The following NEURL1 variants were observed in gnomAD, a reference collection of about 807,000 sequenced individuals.
NEURL1 encodes the protein neuralized E3 ubiquitin protein ligase 1.
Under a neutral mutation model 41.2 loss-of-function variants are expected in NEURL1, and 26 were observed. The ratio of observed to expected loss-of-function variants is 0.63; its 90% CI spans 0.46 to 0.87. The LOEUF (loss-of-function observed/expected upper bound fraction) is 0.87, where lower values mean the gene tolerates loss of function less well. Ranked by LOEUF, NEURL1 falls within the 40% of genes least tolerant of loss-of-function variation. NEURL1 has a pLI of 0.00. For missense variants in NEURL1, 761 were observed against 871.1 expected (o/e 0.87, Z 1.59); for synonymous variants, 400 against 402.3 (o/e 0.99, Z 0.07).
chr10:103,583,205 T>A (rs1470156022), intron 3 of NEURL1, among the ~76,000 whole-genome samples: 3 of 152,010 alleles, frequency 2.0e-5, no homozygotes, highest in African/African-American at 4.8e-5. Context: ...TTTTTGAAAA[T>A]TTTGAAAAAA....
intron 1 of NEURL1, among the ~76,000 whole-genome samples, chr10:103,543,112 C>T (rs990866332): frequency 5.3e-5 from 8 of 152,246 alleles, no homozygotes; most frequent in South Asian, 4.1e-4. Context: ...CGCTTTAATC[C>T]GGGAGAAGCT....
At position 103,564,435 on chromosome 10, in the gene NEURL1, G is replaced by GC. The variant is rs563063243; in HGVS notation, c.86-6429dup. ...TGTAGAGCAGTTGTGCAGCCCACACGCCCCCCCCATTTTGAGGCACTTTGC... is the reference window on the plus strand; with the variant it reads ...TGTAGAGCAGTTGTGCAGCCCACACGCCCCCCCCCATTTTGAGGCACTTTGC... On this transcript the variant is annotated intron_variant, in intron 1 of 5. Coordinates refer to ENST00000369780, the MANE Select transcript of NEURL1 (RefSeq NM_004210.5). Among the ~76,000 whole-genome samples, 773 of 151,888 alleles carry GC rather than the reference G, an allele frequency of 5.1e-3. 21 individuals carry two copies. The highest frequency in any genetic ancestry group is 0.041 in the Admixed American group (623 of 15,250).
At chr10:103,514,477 T>G (rs2034151068) in intron 1 of NEURL1, among the ~76,000 whole-genome samples, 1 of 152,132 alleles carries the variant, frequency 6.6e-6, no homozygotes, top group Admixed American at 6.5e-5. Flanking sequence ...CTCTGACCCC[T>G]CCTGCCCCAG....
chr10:103,566,176 A>G lies in NEURL1; in HGVS notation c.86-4696A>G, dbSNP rs1413549848. Among the ~76,000 whole-genome samples, 2 of 151,984 alleles carry G rather than the reference A, an allele frequency of 1.3e-5. No individual in the cohort carries two copies. The highest frequency in any genetic ancestry group is 6.6e-5 in the Admixed American group (1 of 15,260). On this transcript the variant is annotated intron_variant, in intron 1 of 5. Transcript: ENST00000369780. The surrounding 1 kb of genome is among the most constrained non-coding windows in gnomAD (Gnocchi z 4.2). ...GCTATCATAGCTCACTGCAATCTCA[A>G]ATTCCTGGGCTCAAGCCATCCTTGC...
intron 1 of NEURL1, among the ~76,000 whole-genome samples, chr10:103,565,784 G>C (rs1291599065): frequency 6.6e-6 from 1 of 152,146 alleles, no homozygotes; most frequent in Non-Finnish European, 1.5e-5. Flanking sequence ...CTGAGCAGCT[G>C]GGACTGCAGG....
chr10:103,570,438 G>A (rs1397039098), intron 1 of NEURL1, among the ~76,000 whole-genome samples: 2 of 152,194 alleles, frequency 1.3e-5, no homozygotes, highest in Non-Finnish European at 2.9e-5. Flanking sequence ...GCTCAGGACA[G>A]AGCTTGGTAT....
At position 103,494,435 on chromosome 10, in the gene NEURL1, G is replaced by A; in HGVS notation, c.48G>A (p.Pro16=). 1.3e-6 allele frequency: 2 copies of A among 1,598,246 alleles called. No individual in the cohort carries two copies. The highest frequency in any genetic ancestry group is 1.7e-6 in the Non-Finnish European group (2 of 1,172,960). Residue 16 remains proline (P), a synonymous_variant, in exon 1 of 6, where the codon CCG becomes CCA. Coordinates refer to ENST00000369780, the MANE Select transcript of NEURL1 (RefSeq NM_004210.5). The stretch of plus-strand genomic sequence containing the variant: ...TCCCCTCGCTGCCCCGAGGAAACCC[G>A]AGCCGCGCGCCGCGGGGCCACCCCC... The part of the protein sequence containing the change: ...SSIPSLPRGN[P]SRAPRGHPQN...
At chr10:103,513,387 C>G (rs1191618830) in intron 1 of NEURL1, among the ~76,000 whole-genome samples, 1 of 152,204 alleles carries the variant, frequency 6.6e-6, no homozygotes, top group South Asian at 2.1e-4. Flanking sequence ...TTGTTTTTCA[C>G]TGGGAGGTAT....
chr10:103,499,760 G>A (rs1056222272), intron 1 of NEURL1, among the ~76,000 whole-genome samples: 2 of 151,964 alleles, frequency 1.3e-5, no homozygotes, highest in African/African-American at 4.8e-5. Context: ...TCAGCCTCTA[G>A]CCATTTTTCT....
Position 103,590,591 on chromosome 10 carries a change from G to A in NEURL1, c.*219G>A. 2 of 583,844 alleles carry A rather than the reference G, an allele frequency of 3.4e-6. No individual in the cohort carries two copies. Among genetic ancestry groups the A allele is most frequent in the Non-Finnish European group, 6.1e-6 (2 of 326,918 alleles). The allele number at this position is 583,844 out of a possible 1,614,324, so 36.2% of individuals were successfully genotyped here. A position where few individuals can be genotyped will look rare whatever the true frequency, so the allele number is the denominator to read the frequency against. On this transcript the variant is annotated 3_prime_UTR_variant, in exon 6 of 6. Transcript: ENST00000369780. Reference sequence around the variant, plus strand: ...ACCGGGCAGAGGGAGGGGAGGAGAGGAGGCCGCACTCTCCCTGTCTCTCCC... The same window carrying A: ...ACCGGGCAGAGGGAGGGGAGGAGAGAAGGCCGCACTCTCCCTGTCTCTCCC...
At chr10:103,588,942 GAAAA>G (rs35294224) in intron 4 of NEURL1, 1,541 of 317,472 alleles carry the variant, frequency 4.9e-3, no homozygotes, top group Admixed American at 8.8e-3. Context: ...GACTCCGTCT[GAAAA>G]AAAAAAAAAA....
rs776438581 is a variant in NEURL1 at position 103,494,424 on chromosome 10, C to G, written c.37C>G (p.Arg13Gly). The change falls in exon 1 of 6, where the codon CGA becomes GGA. Residue 13 changes from arginine to glycine, a missense_variant. By Grantham distance (125) the Arg-to-Gly change is moderately radical (BLOSUM62 -2). Coordinates refer to ENST00000369780, the MANE Select transcript of NEURL1 (RefSeq NM_004210.5). ...NNFSSIPSLP[R>G]GNPSRAPRGH... The stretch of plus-strand genomic sequence containing the variant: ...CTTCTCCAGTATCCCCTCGCTGCCC[C>G]GAGGAAACCCGAGCCGCGCGCCGCG... 73 of 1,598,530 alleles carry G rather than the reference C, an allele frequency of 4.6e-5. No homozygotes were observed. Among genetic ancestry groups the G allele is most frequent in the Non-Finnish European group, 6.0e-5 (70 of 1,173,228 alleles).
chr10:103,520,721 G>A (rs1040849591), intron 1 of NEURL1, among the ~76,000 whole-genome samples: 1 of 152,096 alleles, frequency 6.6e-6, no homozygotes, highest in Non-Finnish European at 1.5e-5. Flanking sequence ...TTGGGGGGTG[G>A]TATGGAGAGA....
chr10:103,494,125 T>C lies in NEURL1; in HGVS notation c.-263T>C. On this transcript the variant is annotated 5_prime_UTR_variant, in exon 1 of 6. Coordinates refer to ENST00000369780, the MANE Select transcript of NEURL1 (RefSeq NM_004210.5). ...CCCCGGCCCCGGCCCAGGGCCCTGC[T>C]TGTGGCCCCCGCTCCCGCCACGGGG... 2.6e-6 allele frequency: 1 copy of C among 380,668 alleles called. No individual in the cohort carries two copies. Among genetic ancestry groups the C allele is most frequent in the Non-Finnish European group, 4.7e-6 (1 of 212,092 alleles). 23.6% of individuals were successfully genotyped at this position (380,668 alleles called of 1,614,324 possible). A position where few individuals can be genotyped will look rare whatever the true frequency, so the allele number is the denominator to read the frequency against.
At chr10:103,555,718 A>G (rs2035138700) in intron 1 of NEURL1, among the ~76,000 whole-genome samples, 1 of 151,670 alleles carries the variant, frequency 6.6e-6, no homozygotes, top group African/African-American at 2.4e-5. Flanking sequence ...TTGTCCTCTT[A>G]CCTCCTTGTC....
chr10:103,539,854 T>C (rs6584555), intron 1 of NEURL1, among the ~76,000 whole-genome samples: 39,927 of 152,158 alleles, frequency 0.26, 6,910 homozygotes, highest in African/African-American at 0.49. Context: ...GAGGGGCAGG[T>C]AGCTAATATA....
chr10:103,536,297 G>T (rs1195220888), intron 1 of NEURL1, among the ~76,000 whole-genome samples: 2 of 152,094 alleles, frequency 1.3e-5, no homozygotes, highest in South Asian at 2.1e-4. Flanking sequence ...TAATCCCAGC[G>T]CTTTGGGAGG....
In NEURL1 at chr10:103,518,877, G is replaced by A. The variant is rs529696853; in HGVS notation, c.85+24405G>A. On this transcript the variant is annotated intron_variant, in intron 1 of 5. Coordinates refer to ENST00000369780, the MANE Select transcript of NEURL1 (RefSeq NM_004210.5). ...CTGGGGTTGAGTAGTGTTGGGGAACGGGATGCTTTTACTCCACACAAATCA... is the reference window on the plus strand; with the variant it reads ...CTGGGGTTGAGTAGTGTTGGGGAACAGGATGCTTTTACTCCACACAAATCA... Among the ~76,000 whole-genome samples the A allele has an allele frequency of 8.6e-5, 13 of 151,906 alleles. No homozygotes were observed. In the East Asian group the frequency reaches 2.5e-3, roughly 29 times the overall value.
chr10:103,578,999 G>A (rs564075920), intron 3 of NEURL1, among the ~76,000 whole-genome samples: 3 of 152,342 alleles, frequency 2.0e-5, no homozygotes, highest in Admixed American at 6.5e-5. Context: ...CCAGTGCTCC[G>A]GATGTGAGAA....
Sources: gnomAD v4.1 joint callset for allele counts (sites outside exome capture counted in the v4.1 genomes callset) on GRCh38, gnomAD v4.1.1 for gene constraint, Gnocchi (gnomAD v3.1) non-coding constraint, MANE v1.5 for transcripts, NCBI Gene and HGNC (gene_info 2026-07-23, HGNC 2026-07-21) for gene names.